The following PCDH15 variants were observed in gnomAD, a reference collection of about 807,000 sequenced individuals.
The protein encoded by PCDH15 is protocadherin-15.
PCDH15 carries 129 observed loss-of-function variants against 178.5 expected under a neutral mutation model. The observed-to-expected ratio is 0.72, with a 90% CI of 0.63 to 0.84. PCDH15 has a LOEUF of 0.84. Ranked by LOEUF, PCDH15 falls within the 40% of genes least tolerant of loss-of-function variation. PCDH15 has a pLI of 0.00. For synonymous variants in PCDH15, 800 were observed against 732.0 expected (o/e 1.09, Z -1.50); for missense variants, 2,230 against 2,099.9 (o/e 1.06, Z -1.21).
chr10:54,461,613 C>G (rs1184296309), intron 3 of PCDH15, among the ~76,000 whole-genome samples: 1 of 152,214 alleles, frequency 6.6e-6, no homozygotes, highest in South Asian at 2.1e-4. Flanking sequence ...TAGCTGAAAC[C>G]TCTGGAATTA....
At chr10:54,332,886 C>T (rs181278668) in intron 6 of PCDH15, among the ~76,000 whole-genome samples, 4 of 152,042 alleles carry the variant, frequency 2.6e-5, no homozygotes, top group Non-Finnish European at 5.9e-5. Flanking sequence ...TAAATCTATC[C>T]TTTAGAGATT....
intron 3 of PCDH15, among the ~76,000 whole-genome samples, chr10:54,867,932 C>G (rs115657007): frequency 0.018 from 2,786 of 152,146 alleles, 78 homozygotes; most frequent in African/African-American, 0.061. Context: ...TTCTTGTATA[C>G]CTGAAAATTG....
chr10:54,173,963 C>T (rs555236646), intron 13 of PCDH15, among the ~76,000 whole-genome samples: 2 of 152,108 alleles, frequency 1.3e-5, no homozygotes, highest in African/African-American at 4.8e-5. Context: ...TGAAAGTTAT[C>T]TCATCACTGT....
At chr10:54,287,324 C>G (rs2059093199) in intron 8 of PCDH15, among the ~76,000 whole-genome samples, 1 of 152,162 alleles carries the variant, frequency 6.6e-6, no homozygotes, top group South Asian at 2.1e-4. Flanking sequence ...TTATGACACA[C>G]AACAATTTTA....
At position 54,801,223 on chromosome 10, in the gene PCDH15, G is replaced by A. The variant is rs1370039027; in HGVS notation, c.-327C>T. 6.6e-6 allele frequency: 1 copy of A among 152,192 alleles called. No individual in the cohort carries two copies. Among genetic ancestry groups the A allele is most frequent in the Non-Finnish European group, 1.5e-5 (1 of 68,034 alleles). 9.4% of individuals were successfully genotyped at this position (152,192 alleles called of 1,614,324 possible). A position where few individuals can be genotyped will look rare whatever the true frequency, so the allele number is the denominator to read the frequency against. On this transcript the variant is annotated 5_prime_UTR_variant, in exon 1 of 38. Coordinates refer to ENST00000644397, the MANE Select transcript of PCDH15 (RefSeq NM_001384140.1). ...ATGCCACCTGCCTTAGTTACCACAA[G>A]CAACTAACACTAAGCTGCTAGCAGG...
intron 2 of PCDH15, among the ~76,000 whole-genome samples, chr10:55,384,708 A>T (rs1337895273): frequency 6.6e-6 from 1 of 152,128 alleles, no homozygotes; most frequent in East Asian, 1.9e-4. Context: ...ATGCTACAAG[A>T]TACAAATGTA....
intron 2 of PCDH15, among the ~76,000 whole-genome samples, chr10:55,022,851 C>T (rs953705402): frequency 6.6e-6 from 1 of 151,432 alleles, no homozygotes; most frequent in Non-Finnish European, 1.5e-5. Flanking sequence ...GCTGGGACTA[C>T]AGGCGCCCGC....
At chr10:55,182,114 G>A (rs956601726) in intron 1 of PCDH15, among the ~76,000 whole-genome samples, 2 of 151,828 alleles carry the variant, frequency 1.3e-5, no homozygotes, top group African/African-American at 4.8e-5. Context: ...AAGATTCTTG[G>A]CATTCTGAGG....
chr10:54,129,670 A>G (rs1206541575), intron 15 of PCDH15, among the ~76,000 whole-genome samples: 1 of 152,192 alleles, frequency 6.6e-6, no homozygotes, highest in Non-Finnish European at 1.5e-5. Context: ...AGTGTTAATT[A>G]TAGCTCCCTG....
chr10:54,428,227 G>A (rs1033586827), intron 3 of PCDH15, among the ~76,000 whole-genome samples: 48 of 152,084 alleles, frequency 3.2e-4, no homozygotes, highest in African/African-American at 1.0e-3. Flanking sequence ...GTCTCCTTTC[G>A]GAGAGCATCC....
At chr10:54,663,785 AG>A (rs1260217104) in intron 2 of PCDH15, among the ~76,000 whole-genome samples, 1 of 150,518 alleles carries the variant, frequency 6.6e-6, no homozygotes, top group South Asian at 2.1e-4. Flanking sequence ...TGACCCTTTC[AG>A]GGGGTCAAAT....
At chr10:54,096,807 G>T (rs1565248657) in intron 15 of PCDH15, among the ~76,000 whole-genome samples, 1 of 152,068 alleles carries the variant, frequency 6.6e-6, no homozygotes, top group Non-Finnish European at 1.5e-5. Flanking sequence ...TGAATTTTGG[G>T]GGAACACAAA....
intron 9 of PCDH15, among the ~76,000 whole-genome samples, chr10:54,228,402 G>A (rs1169563646): frequency 6.6e-6 from 1 of 152,042 alleles, no homozygotes; most frequent in African/African-American, 2.4e-5. Flanking sequence ...AACAACACAG[G>A]AAAGACTTGG....
At chr10:55,270,396 G>A (rs1295023500) in intron 1 of PCDH15, among the ~76,000 whole-genome samples, 3 of 151,586 alleles carry the variant, frequency 2.0e-5, no homozygotes, top group African/African-American at 7.3e-5. Flanking sequence ...ATCTGGCAAC[G>A]GTCTAATATC....
intron 21 of PCDH15, among the ~76,000 whole-genome samples, chr10:53,967,960 A>C (rs974582258): frequency 6.6e-6 from 1 of 152,190 alleles, no homozygotes; most frequent in Non-Finnish European, 1.5e-5. Flanking sequence ...GTGATGCAGA[A>C]GACAGGTGAT....
At chr10:53,880,599 A>AT (rs938948876) in intron 26 of PCDH15, among the ~76,000 whole-genome samples, 4 of 87,692 alleles carry the variant, frequency 4.6e-5, no homozygotes, top group Non-Finnish European at 1.1e-4. Context: ...TATTACAAAA[A>AT]TTTTTAAAAA....
intron 1 of PCDH15, among the ~76,000 whole-genome samples, chr10:55,295,250 G>T (rs1243341426): frequency 6.6e-6 from 1 of 152,082 alleles, no homozygotes; most frequent in Non-Finnish European, 1.5e-5. Context: ...TTTTCTAAAA[G>T]TATTTCAGGT....
chr10:54,304,943 C>T (rs1401416704), intron 8 of PCDH15, among the ~76,000 whole-genome samples: 2 of 151,874 alleles, frequency 1.3e-5, no homozygotes, highest in Non-Finnish European at 2.9e-5. Flanking sequence ...GGGCTGCCTA[C>T]AAATCAAGTC....
At chr10:54,643,814 AATTTT>A (rs1483563891) in intron 2 of PCDH15, among the ~76,000 whole-genome samples, 2 of 147,548 alleles carry the variant, frequency 1.4e-5, no homozygotes, top group Non-Finnish European at 3.0e-5. Context: ...TTTTTTTTAA[AATTTT>A]ATTTTATTAT....
Sources: gnomAD v4.1 joint callset for allele counts (sites outside exome capture counted in the v4.1 genomes callset) on GRCh38, gnomAD v4.1.1 for gene constraint, MANE v1.5 for transcripts, NCBI Gene and HGNC (gene_info 2026-07-23, HGNC 2026-07-21) for gene names.